The following RMDN2 variants were observed in gnomAD, a reference collection of about 807,000 sequenced individuals.
RMDN2 encodes the protein regulator of microtubule dynamics protein 2.
Under a neutral mutation model 52.8 loss-of-function variants are expected in RMDN2, and 61 were observed. That is an observed-to-expected ratio of 1.16 (90% CI 0.94 to 1.43). RMDN2 has a LOEUF of 1.43. Ranked by LOEUF, RMDN2 falls within the 40% of genes most tolerant of loss-of-function variation. The probability of loss-of-function intolerance (pLI) is 0.00; values close to 1 mark genes in which losing one functional copy is unlikely to be tolerated. For synonymous variants in RMDN2, 180 were observed against 153.1 expected (o/e 1.18, Z -1.30); for missense variants, 592 against 475.3 (o/e 1.25, Z -2.28).
intron 7 of RMDN2, among the ~76,000 whole-genome samples, chr2:37,995,877 ATTC>A (rs1337406928): frequency 2.6e-5 from 4 of 152,352 alleles, no homozygotes; most frequent in African/African-American, 9.6e-5. Flanking sequence ...TTTTATTCCT[ATTC>A]TTTTTATAAA....
At chr2:37,941,942 CAA>C (rs70949788) in intron 2 of RMDN2, among the ~76,000 whole-genome samples, 4,074 of 140,888 alleles carry the variant, frequency 0.029, 139 homozygotes, top group African/African-American at 0.088. Context: ...ACTGGGGTAC[CAA>C]AAAAAAAAAA....
At chr2:38,024,487 G>A (rs1387441146) in intron 10 of RMDN2, among the ~76,000 whole-genome samples, 1 of 152,128 alleles carries the variant, frequency 6.6e-6, no homozygotes, top group Non-Finnish European at 1.5e-5. Flanking sequence ...TAGGCATGTA[G>A]TATATCTGAT....
chr2:37,999,689 A>G (rs910565273), intron 8 of RMDN2, among the ~76,000 whole-genome samples: 16 of 152,130 alleles, frequency 1.1e-4, no homozygotes, highest in African/African-American at 3.6e-4. Context: ...CACACCCAGG[A>G]GAGTCTGCAA....
intron 4 of RMDN2, among the ~76,000 whole-genome samples, chr2:37,975,716 T>C (rs1049676666): frequency 6.6e-6 from 1 of 152,154 alleles, no homozygotes; most frequent in East Asian, 1.9e-4. Flanking sequence ...AAAAGATCTA[T>C]AGTAAATCAC....
chr2:37,974,051 C>T lies in RMDN2; in HGVS notation c.464C>T (p.Ala155Val). ...TTCTGCGATTTTAGGTATATTACAG[C>T]TAATACTGACACAGAAGAACAGAGT... Reference protein sequence around the residue: ...EAESEGGYITANTDTEEQSFP... With the variant: ...EAESEGGYITVNTDTEEQSFP... The change falls in exon 3 of 11, where the codon GCT (alanine) becomes GTT (valine). Residue 155 changes from alanine (A) to valine (V), a missense_variant. Ala to Val is a moderately conservative substitution (Grantham distance 64). Transcript: ENST00000354545. 1 of 1,608,836 alleles carries T rather than the reference C, an allele frequency of 6.2e-7. No individual in the cohort carries two copies. Among genetic ancestry groups the T allele is most frequent in the Non-Finnish European group, 8.5e-7 (1 of 1,177,576 alleles).
chr2:38,037,551 C>T (rs1407196898), intron 10 of RMDN2, among the ~76,000 whole-genome samples: 2 of 152,354 alleles, frequency 1.3e-5, no homozygotes, highest in East Asian at 3.9e-4. Context: ...AACTGTCGTT[C>T]AAGTCATCAC....
At chr2:38,053,584 C>G (rs533006313) in intron 10 of RMDN2, among the ~76,000 whole-genome samples, 1 of 152,262 alleles carries the variant, frequency 6.6e-6, no homozygotes, top group East Asian at 1.9e-4. Context: ...AAAAAATTTA[C>G]CTGAATGAAT....
At position 38,054,064 on chromosome 2, in the gene RMDN2, A is replaced by G. The variant is rs146920537; in HGVS notation, c.1714-12918A>G. ...TTACTGTACTCACCTCATTCCTATGAACTATACTAGTAGATGCCCCACACT... is the reference window on the plus strand; with the variant it reads ...TTACTGTACTCACCTCATTCCTATGGACTATACTAGTAGATGCCCCACACT... On this transcript the variant is annotated intron_variant, in intron 10 of 10. Transcript: ENST00000234195. Among the ~76,000 whole-genome samples the G allele has an allele frequency of 8.0e-4, 122 of 152,318 alleles. 1 individual carries two copies. The East Asian group carries it at 0.016, about 20-fold the overall frequency.
intron 7 of RMDN2, 53 bp from the exon 8 acceptor site, chr2:37,997,363 T>G: frequency 8.4e-6 from 9 of 1,073,816 alleles, no homozygotes; most frequent in Non-Finnish European, 1.2e-5. Flanking sequence ...GGAGAGATAA[T>G]CCATTCAAAA....
rs535235975 is a variant in RMDN2 at position 37,950,256 on chromosome 2, T to C, written c.452+20527T>C. The C allele has an allele frequency of 2.4e-5, 11 of 463,464 alleles. No homozygotes were observed. In the East Asian group the frequency reaches 4.8e-4, roughly 20 times the overall value. The allele number at this position is 463,464 out of a possible 1,614,324, so 28.7% of individuals were successfully genotyped here. The stretch of plus-strand genomic sequence containing the variant: ...AAGGTAAAGGATTGTACAGCTGTCA[T>C]ATATGTTATTGTCCTTATCCAGCTG... On this transcript the variant is annotated intron_variant, in intron 2 of 10. Coordinates refer to ENST00000354545, the MANE Select transcript of RMDN2 (RefSeq NM_001170791.3).
chr2:37,962,710 T>C (rs1385268201), intron 2 of RMDN2, among the ~76,000 whole-genome samples: 3 of 152,094 alleles, frequency 2.0e-5, no homozygotes, highest in Non-Finnish European at 2.9e-5. Flanking sequence ...AGTTCTGTCT[T>C]TCTGGGGTTC....
intron 10 of RMDN2, among the ~76,000 whole-genome samples, chr2:38,005,257 G>T (rs1000079243): frequency 6.6e-6 from 1 of 152,226 alleles, no homozygotes; most frequent in African/African-American, 2.4e-5. Flanking sequence ...TCTAGTTCTA[G>T]ATCCCTGAGG....
At chr2:38,060,650 C>A (rs994669349) in intron 10 of RMDN2, among the ~76,000 whole-genome samples, 5 of 152,180 alleles carry the variant, frequency 3.3e-5, no homozygotes, top group African/African-American at 1.2e-4. Flanking sequence ...GATTCACAAA[C>A]ATCCACCAGA....
Position 37,976,949 on chromosome 2 carries a change from C to T in RMDN2, c.730+1635C>T, listed in dbSNP as rs1454136274. 5.9e-5 allele frequency among the ~76,000 whole-genome samples: 9 copies of T among 151,940 alleles called. No homozygotes were observed. The South Asian group carries it at 1.3e-3, about 21-fold the overall frequency. On this transcript the variant is annotated intron_variant, in intron 4 of 10. Coordinates refer to ENST00000354545, the MANE Select transcript of RMDN2 (RefSeq NM_001170791.3). Reference sequence around the variant, plus strand: ...AGTGGAGGGAAGGTCAGCAGATAAACATGTGAACAAAGGTCTCTGGTTTTC... The same window carrying T: ...AGTGGAGGGAAGGTCAGCAGATAAATATGTGAACAAAGGTCTCTGGTTTTC...
chr2:38,026,815 A>G (rs893975042), intron 10 of RMDN2, among the ~76,000 whole-genome samples: 1 of 152,206 alleles, frequency 6.6e-6, no homozygotes, highest in Non-Finnish European at 1.5e-5. Flanking sequence ...CTTTAGCAGT[A>G]TCCTACAAAT....
intron 7 of RMDN2, among the ~76,000 whole-genome samples, chr2:37,992,246 G>T (rs6544126): frequency 0.58 from 88,355 of 152,014 alleles, 27,044 homozygotes; most frequent in East Asian, 0.89. Flanking sequence ...AATTGAAATT[G>T]AATTCCAAAA....
Position 38,065,128 on chromosome 2 carries a change from T to A in RMDN2, c.1714-1854T>A, listed in dbSNP as rs553027021. ...CCCAAGAGAGTGGATAGAAAAAATG[T>A]GGTGGATAAGTACCATGGAATACTA... On this transcript the variant is annotated intron_variant, in intron 10 of 10. Coordinates refer to the RMDN2 transcript ENST00000234195. Among the ~76,000 whole-genome samples, 15 of 152,256 alleles carry A rather than the reference T, an allele frequency of 9.9e-5. No homozygotes were observed. In the South Asian group the frequency reaches 2.9e-3, roughly 29 times the overall value.
chr2:37,985,634 G>A (rs547428962), intron 5 of RMDN2, among the ~76,000 whole-genome samples: 2 of 152,220 alleles, frequency 1.3e-5, no homozygotes, highest in African/African-American at 4.8e-5. Flanking sequence ...CAGTAATTTT[G>A]TTGGTGGGTG....
chr2:37,970,284 A>G (rs1407775513), intron 2 of RMDN2, among the ~76,000 whole-genome samples: 1 of 152,138 alleles, frequency 6.6e-6, no homozygotes, highest in Non-Finnish European at 1.5e-5. Context: ...TTTATTGGAA[A>G]AAAAAATTTT....
Sources: allele counts gnomAD v4.1 joint callset (sites outside exome capture counted in the v4.1 genomes callset), GRCh38; gene constraint gnomAD v4.1.1; transcripts MANE v1.5; gene names NCBI Gene and HGNC (gene_info 2026-07-23, HGNC 2026-07-21).